NALF1: variants seen among roughly 807,000 people sequenced by gnomAD.
The protein encoded by NALF1 is family with sequence similarity 155 member A.
A neutral mutation model predicts 48.4 loss-of-function variants in NALF1; 3 were observed. The observed-to-expected ratio is 0.06, with a 90% CI of 0.03 to 0.16. NALF1 has a LOEUF of 0.16. Among genes scored for constraint, NALF1 ranks in the 10% least tolerant of loss-of-function variants. The probability of loss-of-function intolerance (pLI) is 1.00; values close to 1 mark genes in which losing one functional copy is unlikely to be tolerated. For synonymous variants in NALF1, 262 were observed against 245.7 expected, an observed-to-expected ratio of 1.07 and a Z score of -0.62; for missense variants, 526 against 571.5, an observed-to-expected ratio of 0.92 and a Z score of 0.81.
chr13:107,498,304 A>G (rs28517510), intron 1 of NALF1, among the ~76,000 whole-genome samples: 46,013 of 151,832 alleles, frequency 0.3, 7,137 homozygotes, highest in East Asian at 0.4. Flanking sequence ...TCTCATTGAT[A>G]GGTCCATGAC....
chr13:107,659,096 C>T (rs962145590), intron 1 of NALF1, among the ~76,000 whole-genome samples: 5 of 131,738 alleles, frequency 3.8e-5, no homozygotes, highest in African/African-American at 1.5e-4. Context: ...CTAGCCAGCA[C>T]TGACACACTG....
rs547115560 is a variant in NALF1 at position 107,272,813 on chromosome 13, C to T, written c.916-62058G>A. Among the ~76,000 whole-genome samples, 4 of 152,214 alleles carry T rather than the reference C, an allele frequency of 2.6e-5. No individual in the cohort carries two copies. In the South Asian group the frequency reaches 8.3e-4, roughly 32 times the overall value. On this transcript the variant is annotated intron_variant, in intron 1 of 2. Transcript: ENST00000375915. ...AGGCAAGAAAACAAAGGGTGTAAAT[C>T]GTGCGTTGCCTCAAAATGTCAACAC... is the stretch of plus-strand genomic sequence containing the variant.
intron 1 of NALF1, among the ~76,000 whole-genome samples, chr13:107,586,649 T>TTTTTTTTTTTTTTTTTTTA (rs1878467473): frequency 2.0e-5 from 3 of 146,864 alleles, no homozygotes; most frequent in Admixed American, 1.4e-4. Context: ...TTTTTTTTTT[T>TTTTTTTTTTTTTTTTTTTA]GCTAGGAATG....
intron 1 of NALF1, among the ~76,000 whole-genome samples, chr13:107,390,877 T>TTAATAATAATAATAA (rs71121527): frequency 0.074 from 10,947 of 147,136 alleles, 511 homozygotes; most frequent in Non-Finnish European, 0.099. Context: ...AGCCAGAAGG[T>TTAATAATAATAATAA]TAATAATAAT....
chr13:107,620,447 T>C (rs143909332), intron 1 of NALF1, among the ~76,000 whole-genome samples: 34 of 152,328 alleles, frequency 2.2e-4, no homozygotes, highest in Admixed American at 6.5e-4. Context: ...TTTGCAATTC[T>C]ATAATTAGAT....
chr13:107,470,545 G>C (rs1455008666), intron 1 of NALF1, among the ~76,000 whole-genome samples: 2 of 152,296 alleles, frequency 1.3e-5, no homozygotes, highest in Middle Eastern at 3.4e-3. Flanking sequence ...TTCACTTCTA[G>C]AAAGCTGTCC....
intron 1 of NALF1, among the ~76,000 whole-genome samples, chr13:107,448,862 T>C (rs1381324048): frequency 6.6e-6 from 1 of 152,202 alleles, no homozygotes; most frequent in Non-Finnish European, 1.5e-5. Flanking sequence ...CAAGCTGATG[T>C]GAGAGGAGCT....
intron 1 of NALF1, among the ~76,000 whole-genome samples, chr13:107,585,555 A>G (rs1404967052): frequency 6.6e-6 from 1 of 152,214 alleles, no homozygotes; most frequent in African/African-American, 2.4e-5. Flanking sequence ...AATATTGGAC[A>G]AAATTCCAAT....
At chr13:107,403,774 C>A (rs955031825) in intron 1 of NALF1, among the ~76,000 whole-genome samples, 2 of 151,508 alleles carry the variant, frequency 1.3e-5, no homozygotes, top group African/African-American at 4.8e-5. Context: ...AAGTTACACA[C>A]CATTTTAGCT....
At chr13:107,666,948 A>G (rs1880874362) in intron 1 of NALF1, among the ~76,000 whole-genome samples, 1 of 152,142 alleles carries the variant, frequency 6.6e-6, no homozygotes, top group African/African-American at 2.4e-5. Flanking sequence ...GAGCAAGTTA[A>G]TATGAGTTTC....
intron 1 of NALF1, among the ~76,000 whole-genome samples, chr13:107,474,430 A>G (rs1470361686): frequency 6.6e-6 from 1 of 152,180 alleles, no homozygotes; most frequent in Non-Finnish European, 1.5e-5. Flanking sequence ...TTTGTTCACA[A>G]ATTGCTGTCA....
intron 1 of NALF1, among the ~76,000 whole-genome samples, chr13:107,335,178 A>C (rs1169249992): frequency 6.6e-6 from 1 of 152,130 alleles, no homozygotes; most frequent in East Asian, 1.9e-4. Context: ...TCTTCTGCTA[A>C]AGGAAGGGAG....
intron 2 of NALF1, among the ~76,000 whole-genome samples, chr13:107,189,131 T>C (rs947363049): frequency 6.6e-6 from 1 of 152,338 alleles, no homozygotes; most frequent in South Asian, 2.1e-4. Context: ...ATAAGCTAAG[T>C]TGAGGAATAA....
chr13:107,648,472 T>C (rs1429189441), intron 1 of NALF1, among the ~76,000 whole-genome samples: 1 of 152,168 alleles, frequency 6.6e-6, no homozygotes, highest in East Asian at 1.9e-4. Context: ...CACTTAGCCA[T>C]ATGCATTTAA....
At chr13:107,737,620 T>A (rs908686242) in intron 1 of NALF1, among the ~76,000 whole-genome samples, 1 of 152,194 alleles carries the variant, frequency 6.6e-6, no homozygotes, top group African/African-American at 2.4e-5. Flanking sequence ...CAAAGTAGAA[T>A]GTAAATTTTA....
chr13:107,779,774 C>A (rs1566478563), intron 1 of NALF1, among the ~76,000 whole-genome samples: 2 of 152,168 alleles, frequency 1.3e-5, no homozygotes, highest in African/African-American at 2.4e-5. Context: ...CTTGTCTCCA[C>A]CTTCTTCTAA....
intron 1 of NALF1, among the ~76,000 whole-genome samples, chr13:107,575,094 C>A (rs561056460): frequency 6.6e-6 from 1 of 152,028 alleles, no homozygotes; most frequent in African/African-American, 2.4e-5. Context: ...GACCTAAGTG[C>A]ACAAGGCCCA....
intron 1 of NALF1, among the ~76,000 whole-genome samples, chr13:107,423,180 T>C (rs772713713): frequency 5.9e-5 from 9 of 152,224 alleles, no homozygotes; most frequent in Non-Finnish European, 1.0e-4. Flanking sequence ...CATTAATCCC[T>C]GTGGTGGAAG....
intron 1 of NALF1, among the ~76,000 whole-genome samples, chr13:107,451,420 T>C (rs1884737905): frequency 6.6e-6 from 1 of 152,158 alleles, no homozygotes; most frequent in Non-Finnish European, 1.5e-5. Context: ...TCCTGGTCAT[T>C]TGTGGGTTAT....
Sources: allele counts gnomAD v4.1 joint callset (sites outside exome capture counted in the v4.1 genomes callset), GRCh38; gene constraint gnomAD v4.1.1; transcripts MANE v1.5; gene names NCBI Gene and HGNC (gene_info 2026-07-23, HGNC 2026-07-21).